ZNF618: variants seen among roughly 807,000 people sequenced by gnomAD.
ZNF618 encodes zinc finger protein 618.
In ZNF618, 34 loss-of-function variants were observed where a neutral mutation model predicts 103.0. That is an observed-to-expected ratio of 0.33 (90% CI 0.25 to 0.44). The LOEUF is 0.44. Ranked by LOEUF, ZNF618 falls within the 20% of genes least tolerant of loss-of-function variation. ZNF618 has a pLI of 1.00. For missense variants in ZNF618, 1,059 were observed against 1,295.4 expected (o/e 0.82, Z 2.80); for synonymous variants, 551 against 542.2 (o/e 1.02, Z -0.23).
chr9:113,972,460 G>C (rs1838060799), intron 2 of ZNF618, among the ~76,000 whole-genome samples: 1 of 152,138 alleles, frequency 6.6e-6, no homozygotes, highest in Non-Finnish European at 1.5e-5. Flanking sequence ...ACTGGCCCAA[G>C]GCTGCCTAGG....
In ZNF618 at chr9:114,002,080, G is replaced by T. The variant is rs923512678; in HGVS notation, c.511+7G>T. ...CACGTGCGGGCGCACCGAGGTGAGA[G>T]GAGTGTCCCTGGGGCAGAGCCCAGG... On this transcript the variant is annotated splice_region_variant and intron_variant, in intron 5 of 14. Coordinates refer to ENST00000374126, the MANE Select transcript of ZNF618 (RefSeq NM_001318042.2). The T allele has an allele frequency of 1.9e-6, 3 of 1,612,048 alleles. No homozygotes were observed. Among genetic ancestry groups the T allele is most frequent in the Admixed American group, 3.3e-5 (2 of 60,028 alleles).
chr9:113,971,805 AG>A (rs1203961418), intron 2 of ZNF618, among the ~76,000 whole-genome samples: 2 of 152,144 alleles, frequency 1.3e-5, no homozygotes, highest in Non-Finnish European at 2.9e-5. Context: ...GAGGAGGGGT[AG>A]GGTGGCACGT....
chr9:113,991,199 C>T (rs1478865218), intron 3 of ZNF618, among the ~76,000 whole-genome samples: 3 of 152,216 alleles, frequency 2.0e-5, no homozygotes, highest in African/African-American at 4.8e-5. Flanking sequence ...TGCCAGCCAC[C>T]GATGCTGATT....
intron 2 of ZNF618, among the ~76,000 whole-genome samples, chr9:113,983,771 C>T (rs1333482130): frequency 6.6e-6 from 1 of 152,126 alleles, no homozygotes; most frequent in African/African-American, 2.4e-5. Flanking sequence ...GATGCGAGTT[C>T]TGGTTTTGAC....
At chr9:113,880,547 C>T (rs1000477908) in intron 1 of ZNF618, among the ~76,000 whole-genome samples, 1 of 152,306 alleles carries the variant, frequency 6.6e-6, no homozygotes, top group South Asian at 2.1e-4. Context: ...CATTGTAAAT[C>T]AGAGTGGAGA....
chr9:113,995,737 C>T (rs1211127846), intron 3 of ZNF618, among the ~76,000 whole-genome samples: 1 of 152,104 alleles, frequency 6.6e-6, no homozygotes, highest in Admixed American at 6.5e-5. Context: ...TTGGAAGTCA[C>T]CCGATTCAAA....
chr9:113,903,735 T>A (rs1032335879), intron 1 of ZNF618, among the ~76,000 whole-genome samples: 38 of 152,164 alleles, frequency 2.5e-4, no homozygotes, highest in Non-Finnish European at 8.8e-5. Flanking sequence ...CTTTCTTTCT[T>A]TCAGTACTTT....
chr9:114,010,068 G>A (rs1342052642), intron 9 of ZNF618, among the ~76,000 whole-genome samples: 1 of 152,200 alleles, frequency 6.6e-6, no homozygotes, highest in Non-Finnish European at 1.5e-5. Flanking sequence ...CCAGCACTTT[G>A]GGAGGCCAAG....
At chr9:114,003,550 C>T (rs1177212258) in intron 6 of ZNF618, among the ~76,000 whole-genome samples, 1 of 152,198 alleles carries the variant, frequency 6.6e-6, no homozygotes, top group Non-Finnish European at 1.5e-5. Context: ...TATAGCTACA[C>T]ACAGCAACAT....
intron 1 of ZNF618, among the ~76,000 whole-genome samples, chr9:113,931,022 T>C (rs941698931): frequency 2.0e-5 from 3 of 152,234 alleles, no homozygotes; most frequent in Admixed American, 1.3e-4. Flanking sequence ...CTTGGAGTTT[T>C]ACTTTTTTAG....
At chr9:113,912,728 G>A (rs1333257837) in intron 1 of ZNF618, among the ~76,000 whole-genome samples, 2 of 152,170 alleles carry the variant, frequency 1.3e-5, no homozygotes, top group Non-Finnish European at 2.9e-5. Context: ...ATGCACCAAA[G>A]GAGGGATGGG....
chr9:113,943,811 C>T (rs1255275388), intron 1 of ZNF618, among the ~76,000 whole-genome samples: 1 of 152,082 alleles, frequency 6.6e-6, no homozygotes, highest in Non-Finnish European at 1.5e-5. Context: ...CCCTGTGTAG[C>T]CTTCCCTGTG....
At chr9:113,910,074 CG>C (rs1831386009) in intron 1 of ZNF618, among the ~76,000 whole-genome samples, 1 of 152,100 alleles carries the variant, frequency 6.6e-6, no homozygotes, top group Admixed American at 6.5e-5. Context: ...TGAGCCAGTG[CG>C]GCCAGCCTAG....
chr9:113,997,274 A>AT (rs1173235431), intron 3 of ZNF618, among the ~76,000 whole-genome samples: 2 of 151,588 alleles, frequency 1.3e-5, no homozygotes, highest in African/African-American at 4.9e-5. Flanking sequence ...TGCCCAGCTA[A>AT]TTTTTGTGTT....
At chr9:114,032,776 G>C in intron 12 of ZNF618, 48 bp downstream of exon 12, 1 of 1,564,228 alleles carries the variant, frequency 6.4e-7, no homozygotes, top group Non-Finnish European at 8.8e-7. Flanking sequence ...TGCCAGCTTC[G>C]CCCGCTCCCC....
chr9:113,912,559 C>T (rs186686535), intron 1 of ZNF618, among the ~76,000 whole-genome samples: 3 of 152,266 alleles, frequency 2.0e-5, no homozygotes, highest in Admixed American at 2.0e-4. Context: ...AGGAGTAAGT[C>T]GGGACTGCCT....
chr9:114,023,242 A>G (rs975732955), intron 10 of ZNF618, among the ~76,000 whole-genome samples: 1 of 151,936 alleles, frequency 6.6e-6, no homozygotes. Flanking sequence ...TTAATCAAGT[A>G]TTTTTTAAAA....
At chr9:113,935,003 C>A (rs1833911790) in intron 1 of ZNF618, among the ~76,000 whole-genome samples, 1 of 152,236 alleles carries the variant, frequency 6.6e-6, no homozygotes. Flanking sequence ...ACAAGCCTGG[C>A]TGTCCCCAGG....
At chr9:114,008,292 G>T in intron 7 of ZNF618, 52 bp from the exon 8 acceptor site, 1 of 1,609,290 alleles carries the variant, frequency 6.2e-7, no homozygotes, top group Non-Finnish European at 8.5e-7. Context: ...GACTAACAGG[G>T]CTCCTGTTTG....
Sources: gnomAD v4.1 joint callset for allele counts (sites outside exome capture counted in the v4.1 genomes callset) on GRCh38, gnomAD v4.1.1 for gene constraint, MANE v1.5 for transcripts, NCBI Gene and HGNC (gene_info 2026-07-23, HGNC 2026-07-21) for gene names.